AADAT: variants seen among roughly 807,000 people sequenced by gnomAD.
AADAT encodes aminoadipate aminotransferase, also known as kynurenine/alpha-aminoadipate aminotransferase, mitochondrial.
Under a neutral mutation model 56.2 loss-of-function variants are expected in AADAT, and 25 were observed. The ratio of observed to expected loss-of-function variants is 0.44; its 90% CI spans 0.32 to 0.62. AADAT has a LOEUF of 0.62. Among genes scored for constraint, AADAT ranks in the 20% least tolerant of loss-of-function variants. AADAT has a pLI of 0.04. For missense variants in AADAT, 387 were observed against 510.5 expected, an observed-to-expected ratio of 0.76 and a Z score of 2.33; for synonymous variants, 173 against 164.7, an observed-to-expected ratio of 1.05 and a Z score of -0.39.
At chr4:170,069,484 T>C (rs1731655813) in intron 6 of AADAT, among the ~76,000 whole-genome samples, 1 of 152,218 alleles carries the variant, frequency 6.6e-6, no homozygotes, top group African/African-American at 2.4e-5. Context: ...ATGCCATTAT[T>C]ATGAACTTAA....
intron 11 of AADAT, among the ~76,000 whole-genome samples, chr4:170,063,256 A>AAG (rs1411954404): frequency 1.3e-5 from 2 of 152,242 alleles, no homozygotes; most frequent in African/African-American, 4.8e-5. Flanking sequence ...TCTCTTCACA[A>AAG]GATAACCAAC....
At chr4:170,077,279 G>C (rs1044081119) in intron 4 of AADAT, among the ~76,000 whole-genome samples, 1 of 152,070 alleles carries the variant, frequency 6.6e-6, no homozygotes, top group Non-Finnish European at 1.5e-5. Flanking sequence ...AATTGCTTAG[G>C]GTAGTATTAA....
Position 170,073,341 on chromosome 4 carries a change from T to C in AADAT, c.449A>G (p.His150Arg). Reference sequence around the variant, plus strand: ...ATTAATAATGTTGCAGCCCAGTGGGTGCAGCTGTTGAGCACAAAAGAAAGC... The same window carrying C: ...ATTAATAATGTTGCAGCCCAGTGGGCGCAGCTGTTGAGCACAAAAGAAAGC... ...PAYSGTLQSL[H>R]PLGCNIINVA... Residue 150 changes from histidine (H) to arginine (R), a missense_variant, in exon 5 of 13, where the codon CAC becomes CGC. His to Arg is a conservative substitution (Grantham distance 29). Transcript: ENST00000337664. The C allele has an allele frequency of 6.2e-7, 1 of 1,613,278 alleles. No individual in the cohort carries two copies. The highest frequency in any genetic ancestry group is 8.5e-7 in the Non-Finnish European group (1 of 1,179,766).
At chr4:170,087,334 T>C (rs1732613185) in intron 2 of AADAT, 86 bp from the exon 3 acceptor site, 1 of 1,310,674 alleles carries the variant, frequency 7.6e-7, no homozygotes, top group Non-Finnish European at 1.1e-6. Context: ...GACAGCTTTA[T>C]CAAGCACTTT....
chr4:170,089,593 C>T, intron 1 of AADAT, 31 bp downstream of exon 1: 3 of 1,613,656 alleles, frequency 1.9e-6, no homozygotes, highest in Non-Finnish European at 2.5e-6. Context: ...ATGCCCCACC[C>T]CAAAGGAGAG....
At chr4:170,068,758 C>T (rs1387799877) in intron 7 of AADAT, 71 bp from the exon 8 acceptor site, 1 of 1,001,352 alleles carries the variant, frequency 1.0e-6, no homozygotes, top group African/African-American at 1.7e-5. Flanking sequence ...TTCCTGATTT[C>T]ATTAGACAGA....
intron 1 of AADAT, 33 bp downstream of exon 1, chr4:170,089,591 C>A: frequency 3.1e-6 from 5 of 1,613,608 alleles, no homozygotes; most frequent in Non-Finnish European, 3.4e-6. Flanking sequence ...GAATGCCCCA[C>A]CCCAAAGGAG....
intron 2 of AADAT, 70 bp from the exon 3 acceptor site, chr4:170,087,318 A>C (rs920231253): frequency 1.1e-5 from 16 of 1,437,458 alleles, no homozygotes; most frequent in Non-Finnish European, 1.5e-5. Flanking sequence ...ACAGGAAATA[A>C]TAAATGACAG....
At chr4:170,082,161 C>T (rs186869414) in intron 3 of AADAT, among the ~76,000 whole-genome samples, 1 of 152,274 alleles carries the variant, frequency 6.6e-6, no homozygotes, top group South Asian at 2.1e-4. Context: ...TCATAATTCT[C>T]ATATGAAGCC....
At chr4:170,072,253 AGATAC>A (rs141944310) in intron 5 of AADAT, among the ~76,000 whole-genome samples, 10,892 of 151,552 alleles carry the variant, frequency 0.072, 542 homozygotes, top group East Asian at 0.22. Flanking sequence ...GTGTTTATAT[AGATAC>A]ATGTATATAT....
intron 8 of AADAT, among the ~76,000 whole-genome samples, chr4:170,067,798 T>C (rs1015234922): frequency 1.3e-5 from 2 of 152,144 alleles, no homozygotes; most frequent in African/African-American, 4.8e-5. Flanking sequence ...AAATGTACAG[T>C]AGATGTGTAA....
At chr4:170,066,701 A>G (rs1322449121) in intron 9 of AADAT, among the ~76,000 whole-genome samples, 1 of 152,232 alleles carries the variant, frequency 6.6e-6, no homozygotes, top group African/African-American at 2.4e-5. Flanking sequence ...AAATTCATAA[A>G]GAGAAGTCCA....
upstream of AADAT, chr4:170,091,521 C>A (rs564051163): frequency 3.2e-5 from 5 of 154,136 alleles, no homozygotes; most frequent in Non-Finnish European, 7.2e-5. Context: ...ACCACCCACC[C>A]GTGGGCTCCT....
chr4:170,067,281 T>G, intron 9 of AADAT, 46 bp downstream of exon 9: 1 of 1,427,970 alleles, frequency 7.0e-7, no homozygotes, highest in Non-Finnish European at 9.9e-7. Context: ...CTATGTTCAC[T>G]GGGCTCCTGT....
rs182587600 is a variant in AADAT at position 170,089,747 on chromosome 4, C to T, written c.-57G>A. 8 of 1,577,952 alleles carry T rather than the reference C, an allele frequency of 5.1e-6. No homozygotes were observed. The African/African-American group carries it at 9.4e-5, about 19-fold the overall frequency. Reference sequence around the variant, plus strand: ...TTCAGTGGTTGAGGACTAGAAAAACCAAAGAGCCTCGTCAAGTCCTGCCTG... The same window carrying T: ...TTCAGTGGTTGAGGACTAGAAAAACTAAAGAGCCTCGTCAAGTCCTGCCTG... On this transcript the variant is annotated 5_prime_UTR_variant, in exon 1 of 13. Coordinates refer to ENST00000337664, the MANE Select transcript of AADAT (RefSeq NM_016228.4).
chr4:170,083,165 A>G (rs1283749442), intron 3 of AADAT, among the ~76,000 whole-genome samples: 1 of 151,806 alleles, frequency 6.6e-6, no homozygotes, highest in Non-Finnish European at 1.5e-5. Context: ...CTGAACAAAT[A>G]AAAAAACCCA....
At position 170,066,445 on chromosome 4, in the gene AADAT, T is replaced by C. The variant is rs1396048054; in HGVS notation, c.996A>G (p.Ala332=). 3.1e-6 allele frequency: 5 copies of C among 1,613,762 alleles called. No homozygotes were observed. Among genetic ancestry groups the C allele is most frequent in the Middle Eastern group, 1.6e-4 (1 of 6,082 alleles). Residue 332 remains alanine (A), a synonymous_variant, in exon 10 of 13, where the codon GCA becomes GCG. Coordinates refer to ENST00000337664, the MANE Select transcript of AADAT (RefSeq NM_016228.4). ...VIDFYSNQKD[A]ILAAADKWLT... ...ACCACTTGTCTGCAGCTGCCAGTATTGCATCCTTCTGGTTACTATAGAAAT... is the reference window on the plus strand; with the variant it reads ...ACCACTTGTCTGCAGCTGCCAGTATCGCATCCTTCTGGTTACTATAGAAAT...
chr4:170,068,517 C>G, intron 8 of AADAT, 74 bp downstream of exon 8: 1 of 1,149,134 alleles, frequency 8.7e-7, no homozygotes, highest in Non-Finnish European at 1.3e-6. Flanking sequence ...AGTTCCTGTG[C>G]TCTACCATCT....
chr4:170,065,617 T>C (rs1325113432), intron 10 of AADAT, among the ~76,000 whole-genome samples: 1 of 152,052 alleles, frequency 6.6e-6, no homozygotes, highest in African/African-American at 2.4e-5. Flanking sequence ...TCTCCTGCCT[T>C]AGCCTCCGAA....
Sources: gnomAD v4.1 joint callset for allele counts (sites outside exome capture counted in the v4.1 genomes callset) on GRCh38, gnomAD v4.1.1 for gene constraint, MANE v1.5 for transcripts, NCBI Gene and HGNC (gene_info 2026-07-23, HGNC 2026-07-21) for gene names.